The following CCDC178 variants were observed in gnomAD, a reference collection of about 807,000 sequenced individuals.
The protein encoded by CCDC178 is coiled-coil domain containing 178.
CCDC178 carries 126 observed loss-of-function variants against 117.4 expected under a neutral mutation model. The observed-to-expected ratio is 1.07, with a 90% CI of 0.93 to 1.24. CCDC178 has a LOEUF of 1.24. CCDC178 is among the 50% of genes most tolerant of loss of function. The pLI is 0.00. For missense variants in CCDC178, 1,030 were observed against 986.9 expected, an observed-to-expected ratio of 1.04 and a Z score of -0.59; for synonymous variants, 283 against 313.4, an observed-to-expected ratio of 0.90 and a Z score of 1.02.
intron 15 of CCDC178, among the ~76,000 whole-genome samples, chr18:33,241,547 T>G (rs2059488583): frequency 6.6e-6 from 1 of 150,918 alleles, no homozygotes; most frequent in Non-Finnish European, 1.5e-5. Flanking sequence ...ACATGAAAAT[T>G]CAGTAGCATT....
At chr18:32,982,853 C>A (rs191612790) in intron 21 of CCDC178, among the ~76,000 whole-genome samples, 1 of 152,058 alleles carries the variant, frequency 6.6e-6, no homozygotes, top group Admixed American at 6.6e-5. Flanking sequence ...GTTTTTAGGG[C>A]GGTGAAAATA....
Position 33,211,886 on chromosome 18 carries a change from T to C in CCDC178, c.2238+10A>G. On this transcript the variant is annotated intron_variant, in intron 20 of 22. Transcript: ENST00000383096. ...CCTTTCATTTTGAAACATGCAAAAA[T>C]AATACTCACTTGGGTATCTTGAAGA... 1.3e-6 allele frequency: 2 copies of C among 1,594,042 alleles called. No homozygotes were observed. Among genetic ancestry groups the C allele is most frequent in the South Asian group, 1.2e-5 (1 of 86,636 alleles).
intron 20 of CCDC178, among the ~76,000 whole-genome samples, chr18:33,186,162 T>A (rs1568041450): frequency 6.6e-6 from 1 of 152,100 alleles, no homozygotes; most frequent in Non-Finnish European, 1.5e-5. Context: ...CATAAATATG[T>A]ACAGTACATG....
intron 4 of CCDC178, among the ~76,000 whole-genome samples, chr18:33,393,193 A>C (rs965789129): frequency 2.0e-5 from 3 of 151,958 alleles, no homozygotes; most frequent in Non-Finnish European, 4.4e-5. Flanking sequence ...AGAATATTTC[A>C]TATGTATGCC....
At chr18:33,100,337 C>T (rs552605776) in intron 20 of CCDC178, among the ~76,000 whole-genome samples, 1 of 151,602 alleles carries the variant, frequency 6.6e-6, no homozygotes, top group Admixed American at 6.6e-5. Flanking sequence ...GTTAACCTTG[C>T]TTGTTCCCTA....
intron 21 of CCDC178, among the ~76,000 whole-genome samples, chr18:33,001,247 C>T (rs2144770060): frequency 6.6e-6 from 1 of 152,264 alleles, no homozygotes; most frequent in East Asian, 1.9e-4. Flanking sequence ...AGGCCAGGCG[C>T]AGTGGCTCAT....
chr18:33,360,686 A>G (rs1043750181), intron 6 of CCDC178, among the ~76,000 whole-genome samples: 3 of 151,652 alleles, frequency 2.0e-5, no homozygotes, highest in African/African-American at 7.2e-5. Context: ...ATGTACAAAA[A>G]CTAGTAGCAT....
At chr18:33,125,289 C>T (rs1827066724) in intron 20 of CCDC178, among the ~76,000 whole-genome samples, 1 of 152,072 alleles carries the variant, frequency 6.6e-6, no homozygotes, top group African/African-American at 2.4e-5. Context: ...CATTTGATAG[C>T]TACCAGGCAA....
intron 21 of CCDC178, among the ~76,000 whole-genome samples, chr18:33,045,310 G>T (rs545460234): frequency 1.3e-5 from 2 of 151,988 alleles, no homozygotes; most frequent in East Asian, 1.9e-4. Flanking sequence ...ATGACCTACC[G>T]TGTTAATGTC....
chr18:33,015,522 A>T (rs2055967634), intron 21 of CCDC178, among the ~76,000 whole-genome samples: 1 of 151,876 alleles, frequency 6.6e-6, no homozygotes, highest in African/African-American at 2.4e-5. Context: ...CCGAGATCGC[A>T]CCACTGCACT....
chr18:33,440,285 T>TGGGGACTGGGGGACTGGGGGACTG (rs1388874813), intron 1 of CCDC178, among the ~76,000 whole-genome samples: 17 of 18,620 alleles, frequency 9.1e-4, no homozygotes, highest in African/African-American at 2.5e-3. Context: ...CCCCCGGCAG[T>TGGGGACTGGGGGACTGGGGGACTG]GGGGACTGGG....
At chr18:33,369,340 G>A (rs2063264846) in intron 6 of CCDC178, among the ~76,000 whole-genome samples, 2 of 151,690 alleles carry the variant, frequency 1.3e-5, no homozygotes, top group African/African-American at 2.4e-5. Context: ...TGACATCCTA[G>A]ACTGAGAATT....
chr18:32,998,123 C>T (rs1339922488), intron 21 of CCDC178, among the ~76,000 whole-genome samples: 1 of 152,232 alleles, frequency 6.6e-6, no homozygotes, highest in East Asian at 1.9e-4. Context: ...CTCCACTATC[C>T]TCTGGCAGCA....
intron 5 of CCDC178, 33 bp downstream of exon 5, chr18:33,389,507 T>C (rs1319462207): frequency 2.0e-6 from 2 of 1,017,130 alleles, no homozygotes; most frequent in Non-Finnish European, 2.8e-6. Context: ...ATAGTTTATA[T>C]AGTTTACTAT....
intron 5 of CCDC178, among the ~76,000 whole-genome samples, chr18:33,379,125 AATATATATATTTCCATATATATATAAT>A (rs2063402153): frequency 1.5e-4 from 1 of 6,784 alleles, no homozygotes; most frequent in East Asian, 0.014. Context: ...ATATATATAT[AATATATATATTTCCATATATATATAAT>A]ATATATATTT....
chr18:33,053,901 T>C (rs1423994961), intron 21 of CCDC178, among the ~76,000 whole-genome samples: 2 of 152,186 alleles, frequency 1.3e-5, no homozygotes, highest in Non-Finnish European at 2.9e-5. Context: ...AATAATATTA[T>C]ACAAAATAAT....
chr18:33,177,228 G>A (rs1035044177), intron 20 of CCDC178, among the ~76,000 whole-genome samples: 8 of 152,082 alleles, frequency 5.3e-5, no homozygotes, highest in Non-Finnish European at 1.2e-4. Context: ...AAAGGGGAAG[G>A]AGAGCATTAG....
chr18:33,099,938 T>A (rs1032402443), intron 20 of CCDC178, among the ~76,000 whole-genome samples: 1 of 152,078 alleles, frequency 6.6e-6, no homozygotes, highest in Non-Finnish European at 1.5e-5. Context: ...ATCCTCTGCA[T>A]CAAGGTTATT....
At chr18:33,278,203 G>T (rs2059974055) in intron 12 of CCDC178, among the ~76,000 whole-genome samples, 1 of 149,446 alleles carries the variant, frequency 6.7e-6, no homozygotes, top group South Asian at 2.1e-4. Flanking sequence ...AAGAAATCAT[G>T]ACTTTCCAAT....
Sources: allele counts gnomAD v4.1 joint callset (sites outside exome capture counted in the v4.1 genomes callset), GRCh38; gene constraint gnomAD v4.1.1; transcripts MANE v1.5; gene names NCBI Gene and HGNC (gene_info 2026-07-23, HGNC 2026-07-21).